NPAS3: variants seen among roughly 807,000 people sequenced by gnomAD.
NPAS3 encodes the protein neuronal PAS domain protein 3.
Under a neutral mutation model 73.1 loss-of-function variants are expected in NPAS3, and 14 were observed. The ratio of observed to expected loss-of-function variants is 0.19; its 90% CI spans 0.13 to 0.30. NPAS3 has a LOEUF of 0.30. Ranked by LOEUF, NPAS3 falls within the 10% of genes least tolerant of loss-of-function variation. The probability of loss-of-function intolerance (pLI) is 1.00; values close to 1 mark genes in which losing one functional copy is unlikely to be tolerated. For synonymous variants in NPAS3, 620 were observed against 541.5 expected (o/e 1.14, Z -2.01); for missense variants, 1,096 against 1,250.0 (o/e 0.88, Z 1.86).
chr14:33,323,112 A>G (rs938546192), intron 3 of NPAS3, among the ~76,000 whole-genome samples: 1 of 151,646 alleles, frequency 6.6e-6, no homozygotes, highest in Non-Finnish European at 1.5e-5. Context: ...ACATATAGGT[A>G]CTCAATAATT....
chr14:33,344,519 T>C (rs1442720819), intron 3 of NPAS3, among the ~76,000 whole-genome samples: 1 of 152,214 alleles, frequency 6.6e-6, no homozygotes, highest in Non-Finnish European at 1.5e-5. Flanking sequence ...TTATTCCTAA[T>C]CATTTCCTTA....
At chr14:33,289,409 T>C (rs2042005997) in intron 3 of NPAS3, among the ~76,000 whole-genome samples, 2 of 152,336 alleles carry the variant, frequency 1.3e-5, no homozygotes, top group South Asian at 4.1e-4. Context: ...GATGACACCC[T>C]GCCCCTTTTA....
chr14:32,977,581 A>C (rs946280179), intron 1 of NPAS3, among the ~76,000 whole-genome samples: 1 of 151,992 alleles, frequency 6.6e-6, no homozygotes, highest in African/African-American at 2.4e-5. Flanking sequence ...AAAACAAAAA[A>C]ATTAACTGGG....
chr14:33,463,852 A>C (rs1172699063), intron 4 of NPAS3, among the ~76,000 whole-genome samples: 1 of 152,214 alleles, frequency 6.6e-6, no homozygotes, highest in Non-Finnish European at 1.5e-5. Flanking sequence ...CATGGATTTC[A>C]TTTAGAGTAA....
rs931530484 is a variant in NPAS3 at position 33,136,847 on chromosome 14, G to A, written c.141-78335G>A. On this transcript the variant is annotated intron_variant, in intron 2 of 11. Coordinates refer to ENST00000356141, the Ensembl canonical transcript of NPAS3. ...ATGATGGGAGCAATTTACCAATACC[G>A]CTTTTTCCTGATCTATGGAAGAAGG... 5.9e-5 allele frequency among the ~76,000 whole-genome samples: 9 copies of A among 152,168 alleles called. 1 individual carries two copies. The highest frequency in any genetic ancestry group is 1.3e-4 in the Non-Finnish European group (9 of 68,020).
chr14:33,680,387 A>T (rs2059899890), intron 6 of NPAS3, among the ~76,000 whole-genome samples: 1 of 152,226 alleles, frequency 6.6e-6, no homozygotes, highest in Non-Finnish European at 1.5e-5. Context: ...GACCACCACC[A>T]TCCCAACTAT....
At chr14:33,075,576 T>C (rs1007881847) in intron 2 of NPAS3, among the ~76,000 whole-genome samples, 1 of 152,352 alleles carries the variant, frequency 6.6e-6, no homozygotes, top group East Asian at 1.9e-4. Flanking sequence ...CTGGCAGTTA[T>C]CTGCAAGTTG....
At chr14:33,476,389 CTGATCTAGATT>C (rs2051039153) in intron 4 of NPAS3, among the ~76,000 whole-genome samples, 1 of 152,194 alleles carries the variant, frequency 6.6e-6, no homozygotes, top group Non-Finnish European at 1.5e-5. Context: ...GTCAATTTCA[CTGATCTAGATT>C]TGATTTCATA....
At chr14:33,138,490 G>T (rs1198638079) in intron 2 of NPAS3, among the ~76,000 whole-genome samples, 1 of 152,042 alleles carries the variant, frequency 6.6e-6, no homozygotes, top group Non-Finnish European at 1.5e-5. Flanking sequence ...AAGATTCATT[G>T]GTTCAATGAA....
chr14:33,037,592 G>A (rs1595293321), intron 1 of NPAS3, among the ~76,000 whole-genome samples: 1 of 152,184 alleles, frequency 6.6e-6, no homozygotes, highest in African/African-American at 2.4e-5. Flanking sequence ...CTTGAGCCCA[G>A]GAGGTTGAGG....
intron 4 of NPAS3, among the ~76,000 whole-genome samples, chr14:33,432,002 T>G (rs2048804075): frequency 6.6e-6 from 1 of 152,178 alleles, no homozygotes; most frequent in African/African-American, 2.4e-5. Context: ...ATGTGTCATA[T>G]CATTTTATGT....
chr14:33,446,501 G>C (rs11156791), intron 4 of NPAS3, among the ~76,000 whole-genome samples: 4 of 152,194 alleles, frequency 2.6e-5, no homozygotes, highest in Admixed American at 2.6e-4. Context: ...TAAGCAAGAG[G>C]ATACATAGAT....
chr14:33,177,286 C>T (rs962489029), intron 2 of NPAS3, among the ~76,000 whole-genome samples: 63 of 151,752 alleles, frequency 4.2e-4, no homozygotes, highest in African/African-American at 1.3e-3. Flanking sequence ...TTAGTAGAGA[C>T]AGGGTTTCGC....
intron 5 of NPAS3, among the ~76,000 whole-genome samples, chr14:33,561,796 A>T (rs571134910): frequency 1.3e-5 from 2 of 152,342 alleles, no homozygotes; most frequent in African/African-American, 4.8e-5. Context: ...TAATTAGTTT[A>T]AGCAGGTAAA....
intron 1 of NPAS3, among the ~76,000 whole-genome samples, chr14:33,044,180 T>C (rs951711471): frequency 2.0e-5 from 3 of 152,180 alleles, no homozygotes; most frequent in East Asian, 1.9e-4. Flanking sequence ...CTATAACCCA[T>C]TGCCATGAAT....
intron 3 of NPAS3, among the ~76,000 whole-genome samples, chr14:33,325,452 C>T (rs761214869): frequency 6.6e-6 from 1 of 152,000 alleles, no homozygotes; most frequent in African/African-American, 2.4e-5. Flanking sequence ...TCGAGGCCAG[C>T]CTGGCCAACA....
At chr14:33,341,796 T>TC (rs1306943228) in intron 3 of NPAS3, among the ~76,000 whole-genome samples, 1 of 152,190 alleles carries the variant, frequency 6.6e-6, no homozygotes, top group Admixed American at 6.5e-5. Context: ...CACAGTTAGG[T>TC]CCATAAAAGG....
chr14:33,797,503 C>G, exon 11 of NPAS3: 1 of 1,614,192 alleles, frequency 6.2e-7, no homozygotes, highest in South Asian at 1.1e-5. Flanking sequence ...ACAGCTCCCC[C>G]ATCTGCCGGA....
chr14:33,508,804 A>G (rs2052897707), intron 4 of NPAS3, among the ~76,000 whole-genome samples: 1 of 152,008 alleles, frequency 6.6e-6, no homozygotes. Flanking sequence ...GAGAAAAGAA[A>G]ACATTCACAT....
Sources: gnomAD v4.1 joint callset for allele counts (sites outside exome capture counted in the v4.1 genomes callset) on GRCh38, gnomAD v4.1.1 for gene constraint, MANE v1.5 for transcripts, NCBI Gene and HGNC (gene_info 2026-07-23, HGNC 2026-07-21) for gene names.